Variants in DLGAP2 observed in about 807,000 individuals in gnomAD.
DLGAP2 encodes the protein disks large-associated protein 2.
DLGAP2 carries 26 observed loss-of-function variants against 100.3 expected under a neutral mutation model. The observed-to-expected ratio is 0.26, with a 90% CI of 0.19 to 0.36. The LOEUF is 0.36. DLGAP2 is among the 10% of genes least tolerant of loss of function. The probability of loss-of-function intolerance (pLI) is 1.00; values close to 1 mark genes in which losing one functional copy is unlikely to be tolerated. For missense variants in DLGAP2, 1,858 were observed against 1,453.2 expected, an observed-to-expected ratio of 1.28 and a Z score of -4.53; for synonymous variants, 886 against 630.1, an observed-to-expected ratio of 1.41 and a Z score of -6.08.
intron 2 of DLGAP2, among the ~76,000 whole-genome samples, chr8:1,087,811 T>G (rs1002033016): frequency 6.6e-6 from 1 of 152,202 alleles, no homozygotes; most frequent in African/African-American, 2.4e-5. Context: ...ACCCTCCTGC[T>G]CCCTCTGTCC....
chr8:1,050,459 C>T (rs952800650), intron 2 of DLGAP2, among the ~76,000 whole-genome samples: 1 of 152,258 alleles, frequency 6.6e-6, no homozygotes, highest in African/African-American at 2.4e-5. Context: ...TCACGCTGGG[C>T]AAAGCTGAGC....
At chr8:1,495,743 G>A (rs115612216) in intron 3 of DLGAP2, among the ~76,000 whole-genome samples, 1,582 of 152,332 alleles carry the variant, frequency 0.01, 29 homozygotes, top group African/African-American at 0.036. Context: ...AGTGGTGGCC[G>A]TGCTGGGTCT....
chr8:1,141,001 T>G (rs1180087105), intron 2 of DLGAP2, among the ~76,000 whole-genome samples: 1 of 152,138 alleles, frequency 6.6e-6, no homozygotes, highest in African/African-American at 2.4e-5. Flanking sequence ...ATAAAAATGA[T>G]AAGTTCTCTG....
intron 3 of DLGAP2, among the ~76,000 whole-genome samples, chr8:1,326,553 GC>G (rs978905110): frequency 6.6e-6 from 1 of 152,058 alleles, no homozygotes; most frequent in African/African-American, 2.4e-5. Context: ...TCAGGACATG[GC>G]ACGCACTCGG....
rs370068342 is a variant in DLGAP2, at chr8:997,872, A to T, written c.73+89906A>T. Among the ~76,000 whole-genome samples the T allele has an allele frequency of 9.5e-3, 1,443 of 151,920 alleles. 26 individuals are homozygous for T. Among genetic ancestry groups the T allele is most frequent in the African/African-American group, 0.033 (1,352 of 41,524 alleles). On this transcript the variant is annotated intron_variant, in intron 2 of 14. Transcript: ENST00000637795. ...TACATACACACATACACACAAACAC[A>T]CATACACACATGCATAAACACCCAT...
chr8:1,603,485 G>C (rs1413772997), intron 6 of DLGAP2, among the ~76,000 whole-genome samples: 1 of 151,406 alleles, frequency 6.6e-6, no homozygotes, highest in African/African-American at 2.4e-5. Flanking sequence ...GCTGGTTAGA[G>C]TGGAGGATGG....
At chr8:1,216,361 T>C (rs1258375255) in intron 2 of DLGAP2, among the ~76,000 whole-genome samples, 1 of 152,106 alleles carries the variant, frequency 6.6e-6, no homozygotes, top group Non-Finnish European at 1.5e-5. Flanking sequence ...AATTGTTTTT[T>C]TGTAAGGGGC....
At chr8:738,504 C>T (rs886997610) in intron 1 of DLGAP2, 2 of 152,246 alleles carry the variant, frequency 1.3e-5, no homozygotes, top group Non-Finnish European at 2.9e-5. Flanking sequence ...CTAAGCGAGG[C>T]GCTACCCAGC....
intron 1 of DLGAP2, among the ~76,000 whole-genome samples, chr8:881,666 A>ATAT: frequency 7.6e-5 from 10 of 131,064 alleles, no homozygotes; most frequent in African/African-American, 2.4e-4. Context: ...CTTGTGGCTG[A>ATAT]ACACACACAC....
At chr8:1,358,536 C>T (rs1054125829) in intron 3 of DLGAP2, among the ~76,000 whole-genome samples, 2 of 152,168 alleles carry the variant, frequency 1.3e-5, no homozygotes, top group African/African-American at 4.8e-5. Context: ...CTTTGCATTC[C>T]TTAACATCAC....
intron 3 of DLGAP2, among the ~76,000 whole-genome samples, chr8:1,341,773 G>A (rs1801424038): frequency 6.6e-6 from 1 of 152,174 alleles, no homozygotes; most frequent in Admixed American, 6.5e-5. Context: ...TTTCCCAGCT[G>A]CAGTAGGAAT....
intron 2 of DLGAP2, among the ~76,000 whole-genome samples, chr8:1,089,825 G>T (rs1804111904): frequency 6.6e-6 from 1 of 152,190 alleles, no homozygotes; most frequent in Non-Finnish European, 1.5e-5. Flanking sequence ...TCCACATTGT[G>T]ATCAGACCTG....
intron 2 of DLGAP2, among the ~76,000 whole-genome samples, chr8:1,198,104 G>C (rs1797793278): frequency 6.6e-6 from 1 of 151,776 alleles, no homozygotes; most frequent in South Asian, 2.1e-4. Flanking sequence ...GTGTGTGTGT[G>C]TGTACGTGTG....
At chr8:1,297,354 C>G (rs1407959783) in intron 3 of DLGAP2, 1 of 152,338 alleles carries the variant, frequency 6.6e-6, no homozygotes, top group African/African-American at 2.4e-5. Flanking sequence ...TTGGCCATCT[C>G]TCTAAGAACC....
chr8:1,691,254 A>C (rs530109155), intron 12 of DLGAP2, among the ~76,000 whole-genome samples: 31 of 152,300 alleles, frequency 2.0e-4, no homozygotes, highest in African/African-American at 6.3e-4. Flanking sequence ...TGCCAAAATA[A>C]GGAAAACTCC....
intron 3 of DLGAP2, among the ~76,000 whole-genome samples, chr8:1,368,137 ATGTG>A (rs1802150291): frequency 6.6e-6 from 1 of 152,006 alleles, no homozygotes; most frequent in Non-Finnish European, 1.5e-5. Context: ...GCGTGTATGC[ATGTG>A]TATGTATTTG....
At chr8:1,382,193 C>A (rs955700050) in intron 3 of DLGAP2, among the ~76,000 whole-genome samples, 4 of 152,284 alleles carry the variant, frequency 2.6e-5, no homozygotes, top group African/African-American at 9.6e-5. Context: ...TGTATTCATA[C>A]AGTAAAGTAA....
intron 2 of DLGAP2, among the ~76,000 whole-genome samples, chr8:1,083,936 A>T (rs1033026995): frequency 5.9e-5 from 9 of 152,244 alleles, no homozygotes; most frequent in Admixed American, 3.9e-4. Flanking sequence ...ATAACTTTTT[A>T]AAAAATTGGT....
chr8:783,027 G>A (rs1211882696), intron 1 of DLGAP2, among the ~76,000 whole-genome samples: 1 of 152,226 alleles, frequency 6.6e-6, no homozygotes. Flanking sequence ...ATGACCGCAT[G>A]ATAACATAAA....
Sources: allele counts gnomAD v4.1 joint callset (sites outside exome capture counted in the v4.1 genomes callset), GRCh38; gene constraint gnomAD v4.1.1; transcripts MANE v1.5; gene names NCBI Gene and HGNC (gene_info 2026-07-23, HGNC 2026-07-21).